PDLIM3: variants seen among roughly 807,000 people sequenced by gnomAD.
PDLIM3 encodes PDZ and LIM domain 3.
A neutral mutation model predicts 37.3 loss-of-function variants in PDLIM3; 36 were observed. The ratio of observed to expected loss-of-function variants is 0.97; its 90% CI spans 0.74 to 1.28. PDLIM3 has a LOEUF of 1.28. Ranked by LOEUF, PDLIM3 falls within the 50% of genes most tolerant of loss-of-function variation. The pLI is 0.00. For synonymous variants in PDLIM3, 174 were observed against 182.4 expected (o/e 0.95, Z 0.37); for missense variants, 454 against 485.0 (o/e 0.94, Z 0.60).
At chr4:185,528,625 G>A (rs1044226524) in intron 1 of PDLIM3, among the ~76,000 whole-genome samples, 1 of 152,240 alleles carries the variant, frequency 6.6e-6, no homozygotes. Context: ...CAGCTGTACA[G>A]CTATGTCACC....
At chr4:185,525,605 G>GT (rs2095732438) in intron 1 of PDLIM3, among the ~76,000 whole-genome samples, 1 of 151,974 alleles carries the variant, frequency 6.6e-6, no homozygotes, top group Non-Finnish European at 1.5e-5. Context: ...TAAAATTCAC[G>GT]TAAGAGGCAT....
intron 4 of PDLIM3, chr4:185,513,967 C>A (rs1309482778): frequency 8.0e-7 from 1 of 1,256,230 alleles, no homozygotes; most frequent in African/African-American, 1.5e-5. Flanking sequence ...ATACTGACTG[C>A]CCGACTCAAA....
chr4:185,513,839 C>T (rs1173507094), intron 4 of PDLIM3: 8 of 1,095,460 alleles, frequency 7.3e-6, no homozygotes, highest in African/African-American at 4.9e-5. Flanking sequence ...TACTGAGAGA[C>T]GAGAAGGAAG....
chr4:185,532,592 G>A (rs575524139), intron 1 of PDLIM3, among the ~76,000 whole-genome samples: 2 of 152,282 alleles, frequency 1.3e-5, no homozygotes, highest in East Asian at 1.9e-4. Context: ...CACTGCCTAC[G>A]TGTGGAACAA....
intron 6 of PDLIM3, among the ~76,000 whole-genome samples, chr4:185,505,197 G>T (rs1008774285): frequency 1.3e-5 from 2 of 152,210 alleles, no homozygotes; most frequent in African/African-American, 4.8e-5. Flanking sequence ...ATGGTGCGCC[G>T]TGTGTCAGAA....
chr4:185,521,685 C>A (rs1391196328), intron 3 of PDLIM3, among the ~76,000 whole-genome samples: 1 of 65,936 alleles, frequency 1.5e-5, no homozygotes, highest in African/African-American at 2.8e-5. Flanking sequence ...GTCAATGCGC[C>A]TGGCCCCACT....
intron 1 of PDLIM3, among the ~76,000 whole-genome samples, chr4:185,527,928 C>A (rs1187520887): frequency 3.3e-5 from 5 of 152,068 alleles, no homozygotes; most frequent in African/African-American, 1.2e-4. Context: ...ATGGTGCACA[C>A]CTGTAGTCCC....
intron 4 of PDLIM3, chr4:185,512,871 C>T (rs780920778): frequency 1.3e-4 from 125 of 985,212 alleles, no homozygotes; most frequent in African/African-American, 5.8e-4. Flanking sequence ...AGTGGAGAAA[C>T]GGAAAAGATG....
intron 5 of PDLIM3, chr4:185,506,916 A>G (rs2095698495): frequency 7.2e-6 from 3 of 418,796 alleles, no homozygotes; most frequent in South Asian, 2.8e-5. Flanking sequence ...AAACTAAAAG[A>G]TAATTGTCAG....
At chr4:185,518,791 T>C (rs2095718580) in intron 3 of PDLIM3, among the ~76,000 whole-genome samples, 1 of 152,226 alleles carries the variant, frequency 6.6e-6, no homozygotes, top group African/African-American at 2.4e-5. Flanking sequence ...CACTTTTTAT[T>C]TGTGAAAATA....
intron 5 of PDLIM3, chr4:185,506,861 G>A: frequency 3.7e-6 from 2 of 545,952 alleles, no homozygotes; most frequent in Non-Finnish European, 6.6e-6. Context: ...AACAAATCGG[G>A]GAGTCACACC....
At chr4:185,529,651 G>T (rs1337807897) in intron 1 of PDLIM3, among the ~76,000 whole-genome samples, 1 of 152,222 alleles carries the variant, frequency 6.6e-6, no homozygotes, top group Non-Finnish European at 1.5e-5. Context: ...GCATGCACCT[G>T]GGCATGGCTG....
At chr4:185,526,468 G>T (rs1390631424) in intron 1 of PDLIM3, among the ~76,000 whole-genome samples, 1 of 152,132 alleles carries the variant, frequency 6.6e-6, no homozygotes. Context: ...AGGAATAAAA[G>T]AAATACTTAA....
intron 3 of PDLIM3, among the ~76,000 whole-genome samples, chr4:185,518,178 A>G (rs1373661421): frequency 1.3e-5 from 2 of 152,162 alleles, no homozygotes; most frequent in Non-Finnish European, 2.9e-5. Context: ...AAGGAACAAC[A>G]TTTTGAATTA....
chr4:185,503,044 G>A (rs184376712), intron 7 of PDLIM3, among the ~76,000 whole-genome samples: 258 of 152,148 alleles, frequency 1.7e-3, no homozygotes, highest in East Asian at 1.9e-3. Flanking sequence ...TGGCTAACAC[G>A]GTGAAACCCC....
chr4:185,517,633 G>A (rs779269694), intron 3 of PDLIM3: 1 of 151,140 alleles, frequency 6.6e-6, no homozygotes, highest in African/African-American at 2.4e-5. Flanking sequence ...TGCAATTTTC[G>A]GTTTTGGTTA....
Position 185,508,487 on chromosome 4 carries a change from G to A in PDLIM3, c.474C>T (p.Thr158=), listed in dbSNP as rs746224592. ...CAACTTTCAAGTCACCTGGGCAAATGGTACTAACAGTACTGACAGAAGAAG... is the reference window on the plus strand; with the variant it reads ...CAACTTTCAAGTCACCTGGGCAAATAGTACTAACAGTACTGACAGAAGAAG... ...STPSSVSTVS[T]ICPGDLKVAA... Residue 158 remains threonine (T), a synonymous_variant, in exon 5 of 8, where the codon ACC becomes ACT. Transcript: ENST00000284767. 8.7e-6 allele frequency: 14 copies of A among 1,614,050 alleles called. No homozygotes were observed. The highest frequency in any genetic ancestry group is 1.1e-5 in the Non-Finnish European group (13 of 1,180,028).
intron 4 of PDLIM3, among the ~76,000 whole-genome samples, chr4:185,509,090 A>G (rs187247083): frequency 6.6e-6 from 1 of 152,376 alleles, no homozygotes; most frequent in Non-Finnish European, 1.5e-5. Flanking sequence ...AGTATATTTC[A>G]GTAATACGGT....
rs779866944 is a variant in PDLIM3, at chr4:185,502,467, C to T, written c.922G>A (p.Ala308Thr). The change falls in exon 8 of 8, where the codon GCG (alanine) becomes ACG (threonine). Residue 308 changes from alanine to threonine, a missense_variant. By Grantham distance (58) the Ala-to-Thr change is moderately conservative. Transcript: ENST00000284767. ...GSGIVGAVVKARDKYRHPECF... is the reference protein window; with the variant it reads ...GSGIVGAVVKTRDKYRHPECF... ...TCAGGGTGCCGGTACTTATCCCGCG[C>T]CTTCACCACAGCACCGCTGTTGGGG... 1.9e-6 allele frequency: 3 copies of T among 1,614,022 alleles called. No homozygotes were observed. Among genetic ancestry groups the T allele is most frequent in the Non-Finnish European group, 2.5e-6 (3 of 1,180,046 alleles).
Sources: gnomAD v4.1 joint callset for allele counts (sites outside exome capture counted in the v4.1 genomes callset) on GRCh38, gnomAD v4.1.1 for gene constraint, MANE v1.5 for transcripts, NCBI Gene and HGNC (gene_info 2026-07-23, HGNC 2026-07-21) for gene names.